The following ANKRD36 variants were observed in gnomAD, a reference collection of about 807,000 sequenced individuals.
ANKRD36 encodes the protein ankyrin repeat domain-containing protein 36A.
Under a neutral mutation model 278.1 loss-of-function variants are expected in ANKRD36, and 179 were observed. That is an observed-to-expected ratio of 0.64 (90% CI 0.57 to 0.73). The LOEUF (loss-of-function observed/expected upper bound fraction) is 0.73, where lower values mean the gene tolerates loss of function less well. Ranked by LOEUF, ANKRD36 falls within the 30% of genes least tolerant of loss-of-function variation. The probability of loss-of-function intolerance (pLI) is 0.00; values close to 1 mark genes in which losing one functional copy is unlikely to be tolerated. For synonymous variants in ANKRD36, 320 were observed against 641.1 expected, an observed-to-expected ratio of 0.50 and a Z score of 7.57; for missense variants, 1,159 against 1,956.7, an observed-to-expected ratio of 0.59 and a Z score of 7.69.
intron 20 of ANKRD36, among the ~76,000 whole-genome samples, chr2:97,164,956 A>T (rs892860428): frequency 6.6e-6 from 1 of 151,912 alleles, no homozygotes; most frequent in African/African-American, 2.4e-5. Context: ...TGTATCTCTG[A>T]TTAAAAATGA....
At position 97,192,857 on chromosome 2, in the gene ANKRD36, G is replaced by A. The variant is rs765950390; in HGVS notation, c.2348-1G>A. The stretch of plus-strand genomic sequence containing the variant: ...GATTATGTATCCCTTTTGCTTTTCA[G>A]TGTCTTCTCAGAAACCACCAGCCTT... On this transcript the variant is annotated splice_acceptor_variant, in intron 36 of 75. Transcript: ENST00000420699. LOFTEE classifies it high-confidence loss of function. 5.6e-6 allele frequency: 9 copies of A among 1,603,100 alleles called. No homozygotes were observed. The highest frequency in any genetic ancestry group is 5.9e-6 in the Non-Finnish European group (7 of 1,177,182).
In ANKRD36 at chr2:97,216,560, A is replaced by G. The variant is rs1012381708; in HGVS notation, c.3674-617A>G. The G allele has an allele frequency of 2.9e-5, 5 of 174,492 alleles. 1 individual carries two copies. The highest frequency in any genetic ancestry group is 1.7e-4 in the Admixed American group (3 of 17,646). The allele number at this position is 174,492 out of a possible 1,614,324, so 10.8% of individuals were successfully genotyped here. A position where few individuals can be genotyped will look rare whatever the true frequency, so the allele number is the denominator to read the frequency against. ...AAATTTTGGAAGGCTAAACGAGTGG[A>G]TACAAGAAACTTAGGCAAATTATTA... is the stretch of plus-strand genomic sequence containing the variant. On this transcript the variant is annotated intron_variant, in intron 62 of 75. Transcript: ENST00000420699.
chr2:97,203,195 A>G (rs1474190297), intron 48 of ANKRD36, among the ~76,000 whole-genome samples: 2 of 151,822 alleles, frequency 1.3e-5, no homozygotes, highest in Non-Finnish European at 2.9e-5. Context: ...TCTTTAGAGA[A>G]CAACATGATA....
intron 6 of ANKRD36, among the ~76,000 whole-genome samples, chr2:97,139,580 G>A (rs919803060): frequency 4.6e-5 from 7 of 152,002 alleles, no homozygotes; most frequent in Non-Finnish European, 8.8e-5. Flanking sequence ...TCTTCGTGTT[G>A]ATACCATATG....
intron 45 of ANKRD36, 44 bp from the exon 46 acceptor site, chr2:97,200,409 A>T (rs773217320): frequency 8.0e-5 from 129 of 1,602,652 alleles, no homozygotes; most frequent in Non-Finnish European, 1.0e-4. Flanking sequence ...CGTATAGCCT[A>T]TGAAACATAC....
Position 97,179,634 on chromosome 2 carries a change from G to A in ANKRD36, c.1634-104G>A, listed in dbSNP as rs111278930. On this transcript the variant is annotated intron_variant, in intron 22 of 75. Transcript: ENST00000420699. Reference sequence around the variant, plus strand: ...AATATCAAAGCCTACAGTAATACAGGCAGGAGTACAAAACTTGATGCTAAC... The same window carrying A: ...AATATCAAAGCCTACAGTAATACAGACAGGAGTACAAAACTTGATGCTAAC... The A allele has an allele frequency of 6.0e-3, 8,640 of 1,448,950 alleles. 59 individuals carry two copies. Among genetic ancestry groups the A allele is most frequent in the Non-Finnish European group, 7.1e-3 (7,648 of 1,077,008 alleles). The allele number at this position is 1,448,950 out of a possible 1,614,324, so 89.8% of individuals were successfully genotyped here.
Position 97,134,998 on chromosome 2 carries a change from G to A in ANKRD36, c.800-7642G>A, listed in dbSNP as rs193047476. ...ATAGCTAGAACTAAGCAAGCTTACCGCATCTTCCCTAGGAGAGGATTAGTG... is the reference window on the plus strand; with the variant it reads ...ATAGCTAGAACTAAGCAAGCTTACCACATCTTCCCTAGGAGAGGATTAGTG... On this transcript the variant is annotated intron_variant, in intron 6 of 75. Coordinates refer to ENST00000420699, the MANE Select transcript of ANKRD36 (RefSeq NM_001354587.1). 8.1e-4 allele frequency among the ~76,000 whole-genome samples: 124 copies of A among 152,168 alleles called. 1 individual carries two copies. The highest frequency in any genetic ancestry group is 2.8e-3 in the African/African-American group (116 of 41,558).
chr2:97,178,604 C>A (rs1369913195), intron 22 of ANKRD36, among the ~76,000 whole-genome samples: 2 of 146,030 alleles, frequency 1.4e-5, no homozygotes, highest in African/African-American at 5.1e-5. Flanking sequence ...CGCATATTCT[C>A]ACTCATAGGT....
At chr2:97,228,196 G>A (rs10183406) in intron 67 of ANKRD36, among the ~76,000 whole-genome samples, 16,858 of 150,452 alleles carry the variant, frequency 0.11, 559 homozygotes, top group Middle Eastern at 0.21. Context: ...GATTGGAATA[G>A]TTTCAGAAGG....
intron 8 of ANKRD36, 32 bp downstream of exon 8, chr2:97,142,867 C>G: frequency 3.9e-6 from 6 of 1,539,782 alleles, no homozygotes; most frequent in Non-Finnish European, 5.2e-6. Context: ...ATGTCATGTT[C>G]ACTCAGGATA....
intron 66 of ANKRD36, among the ~76,000 whole-genome samples, chr2:97,221,622 G>T (rs2067707503): frequency 1.3e-5 from 2 of 148,658 alleles, no homozygotes; most frequent in Non-Finnish European, 1.5e-5. Context: ...TTTTGATGGG[G>T]TTGTTTGTTT....
At chr2:97,224,543 G>C (rs1334138212) in intron 66 of ANKRD36, among the ~76,000 whole-genome samples, 2 of 150,862 alleles carry the variant, frequency 1.3e-5, no homozygotes, top group South Asian at 2.1e-4. Context: ...TCCACTTCCC[G>C]GGCTCACGCC....
chr2:97,146,387 C>A, intron 10 of ANKRD36, 99 bp from the exon 11 acceptor site: 1 of 1,029,746 alleles, frequency 9.7e-7, no homozygotes, highest in Non-Finnish European at 1.3e-6. Context: ...TTTTGAGTAG[C>A]TGAGATTATA....
intron 69 of ANKRD36, among the ~76,000 whole-genome samples, chr2:97,242,253 G>T (rs2074556454): frequency 1.3e-5 from 2 of 150,174 alleles, no homozygotes; most frequent in South Asian, 4.4e-4. Context: ...TTGCACCAGT[G>T]CACTCCAGCC....
chr2:97,175,094 T>G (rs13021253), intron 22 of ANKRD36, among the ~76,000 whole-genome samples: 82,144 of 142,878 alleles, frequency 0.57, 27,706 homozygotes, highest in Non-Finnish European at 0.78. Flanking sequence ...TCTCTTTTTT[T>G]GTTGTGTCTC....
intron 46 of ANKRD36, 134 bp downstream of exon 46, chr2:97,200,659 G>C (rs1377493386): frequency 7.1e-7 from 1 of 1,409,740 alleles, no homozygotes; most frequent in Non-Finnish European, 9.5e-7. Flanking sequence ...TTTCTAACAA[G>C]TTCTTGGGTT....
intron 3 of ANKRD36, among the ~76,000 whole-genome samples, chr2:97,121,507 G>T (rs2036819068): frequency 6.6e-6 from 1 of 152,032 alleles, no homozygotes; most frequent in Non-Finnish European, 1.5e-5. Flanking sequence ...GGGTGTGGTG[G>T]CACACTCCTG....
chr2:97,120,401 T>C (rs1177452435), intron 3 of ANKRD36, among the ~76,000 whole-genome samples: 1 of 129,880 alleles, frequency 7.7e-6, no homozygotes, highest in African/African-American at 2.6e-5. Flanking sequence ...AGAATACATA[T>C]AGGTCATTAT....
At chr2:97,227,694 G>C (rs1447763812) in intron 67 of ANKRD36, among the ~76,000 whole-genome samples, 1 of 152,122 alleles carries the variant, frequency 6.6e-6, no homozygotes, top group South Asian at 2.1e-4. Flanking sequence ...GGGCATCCCT[G>C]TCTTGTGCCC....
Sources: gnomAD v4.1 joint callset for allele counts (sites outside exome capture counted in the v4.1 genomes callset) on GRCh38, gnomAD v4.1.1 for gene constraint, MANE v1.5 for transcripts, NCBI Gene and HGNC (gene_info 2026-07-23, HGNC 2026-07-21) for gene names.